Variants in CNTNAP3 observed in about 807,000 individuals in gnomAD.
The protein encoded by CNTNAP3 is contactin-associated protein-like 3.
Under a neutral mutation model 92.1 loss-of-function variants are expected in CNTNAP3, and 36 were observed. The ratio of observed to expected loss-of-function variants is 0.39; its 90% CI spans 0.30 to 0.52. The LOEUF is 0.52. CNTNAP3 is among the 20% of genes least tolerant of loss of function. The probability of loss-of-function intolerance (pLI) is 0.76; values close to 1 mark genes in which losing one functional copy is unlikely to be tolerated. For missense variants in CNTNAP3, 534 were observed against 1,069.6 expected, an observed-to-expected ratio of 0.50 and a Z score of 6.98; for synonymous variants, 232 against 422.3, an observed-to-expected ratio of 0.55 and a Z score of 5.53.
At chr9:39,144,155 A>T in intron 11 of CNTNAP3, 85 bp downstream of exon 11, 1 of 1,409,466 alleles carries the variant, frequency 7.1e-7, no homozygotes, top group Non-Finnish European at 9.4e-7. Context: ...GCATGATTGC[A>T]AATATGCAGA....
intron 13 of CNTNAP3, among the ~76,000 whole-genome samples, chr9:39,123,947 A>C (rs1821097398): frequency 6.6e-6 from 1 of 151,992 alleles, no homozygotes; most frequent in African/African-American, 2.4e-5. Flanking sequence ...CCTCAGAGAA[A>C]AGAAAAACAA....
chr9:39,113,139 T>C (rs1231895391), intron 14 of CNTNAP3, among the ~76,000 whole-genome samples: 1 of 152,082 alleles, frequency 6.6e-6, no homozygotes, highest in African/African-American at 2.4e-5. Context: ...TAGACACTAA[T>C]ATAAACAACC....
At chr9:39,184,107 T>C (rs1822486988) in intron 4 of CNTNAP3, among the ~76,000 whole-genome samples, 1 of 144,634 alleles carries the variant, frequency 6.9e-6, no homozygotes, top group Non-Finnish European at 1.5e-5. Context: ...AGTCTGTTCT[T>C]TCTTATTGCT....
At chr9:39,115,700 C>A (rs1820841160) in intron 14 of CNTNAP3, among the ~76,000 whole-genome samples, 1 of 151,864 alleles carries the variant, frequency 6.6e-6, no homozygotes, top group East Asian at 1.9e-4. Context: ...AATTTTTTTC[C>A]AAATGAAAGC....
chr9:39,105,851 A>ATCTC lies in CNTNAP3; in HGVS notation c.2366-1941_2366-1938dup, dbSNP rs565155569. Among the ~76,000 whole-genome samples, 5 of 140,484 alleles carry ATCTC rather than the reference A, an allele frequency of 3.6e-5. 1 individual carries two copies. Among genetic ancestry groups the ATCTC allele is most frequent in the East Asian group, 2.1e-4 (1 of 4,744 alleles). 92.2% of individuals were successfully genotyped at this position (140,484 alleles called of 152,430 possible). On this transcript the variant is annotated intron_variant, in intron 15 of 23. Coordinates refer to ENST00000297668, the MANE Select transcript of CNTNAP3 (RefSeq NM_033655.5). The stretch of plus-strand genomic sequence containing the variant: ...TCAGCTAGGAAATATGTGTATTTGT[A>ATCTC]TCTCTCTCTCTCTCTCTCACACACA...
rs1275259990 is a variant in CNTNAP3, at chr9:39,065,736, T to C, written c.*8154A>G. ...ATGACAAAACGATATTGAACATTTT[T>C]GTGTGCTTTTTGTCCACTGGCCTAG... On this transcript the variant is annotated 3_prime_UTR_variant, in exon 24 of 24. Transcript: ENST00000297668. 6.6e-6 allele frequency among the ~76,000 whole-genome samples: 1 copy of C among 152,266 alleles called. No individual in the cohort carries two copies. The highest frequency in any genetic ancestry group is 1.5e-5 in the Non-Finnish European group (1 of 68,040).
At chr9:39,140,377 A>C in intron 12 of CNTNAP3, 142 bp downstream of exon 12, 1 of 1,335,302 alleles carries the variant, frequency 7.5e-7, no homozygotes. Context: ...AATTTTGTTG[A>C]CAACAAAATT....
Position 39,256,483 on chromosome 9 carries a change from C to T in CNTNAP3, c.196+10413G>A, listed in dbSNP as rs1333138347. ...ATGGTTTTACATTTGTAAAGCGTTG[C>T]GTTTAAAAAAAAAAAAAAAAGAGGG... On this transcript the variant is annotated intron_variant, in intron 2 of 23. Transcript: ENST00000297668. Among the ~76,000 whole-genome samples the T allele has an allele frequency of 1.5e-3, 25 of 17,118 alleles. 11 individuals are homozygous for T. Among genetic ancestry groups the T allele is most frequent in the African/African-American group, 3.1e-3 (23 of 7,452 alleles). 11.2% of individuals were successfully genotyped at this position (17,118 alleles called of 152,430 possible). A position where few individuals can be genotyped will look rare whatever the true frequency, so the allele number is the denominator to read the frequency against.
chr9:39,140,510 T>C lies in CNTNAP3; in HGVS notation c.1876+9A>G, dbSNP rs373453703. Reference sequence around the variant, plus strand: ...TTCTGATATATGCATATAACGATTATCAACATACCTGTCATATTGCAGTAC... The same window carrying C: ...TTCTGATATATGCATATAACGATTACCAACATACCTGTCATATTGCAGTAC... On this transcript the variant is annotated intron_variant, in intron 12 of 23. Transcript: ENST00000297668. 30 of 1,613,282 alleles carry C rather than the reference T, an allele frequency of 1.9e-5. No individual in the cohort carries two copies. In the African/African-American group the frequency reaches 3.6e-4, roughly 19 times the overall value.
At chr9:39,133,872 T>C (rs561260840) in intron 12 of CNTNAP3, among the ~76,000 whole-genome samples, 1 of 152,360 alleles carries the variant, frequency 6.6e-6, no homozygotes, top group East Asian at 1.9e-4. Context: ...TTGAAGTCAC[T>C]TTAATTCTAC....
chr9:39,104,211 A>G (rs1461343514), intron 15 of CNTNAP3, among the ~76,000 whole-genome samples: 1 of 152,022 alleles, frequency 6.6e-6, no homozygotes, highest in Non-Finnish European at 1.5e-5. Context: ...GTTCAGAATC[A>G]CCTCAAAGGT....
chr9:39,085,175 T>C (rs1240359155), intron 21 of CNTNAP3: 3 of 148,192 alleles, frequency 2.0e-5, no homozygotes, highest in South Asian at 2.0e-4. Context: ...GACAATATGA[T>C]AGACAATTAC....
intron 18 of CNTNAP3, among the ~76,000 whole-genome samples, chr9:39,099,325 G>A (rs1826398608): frequency 6.6e-6 from 1 of 152,182 alleles, no homozygotes; most frequent in South Asian, 2.1e-4. Flanking sequence ...TCTAAGAAGA[G>A]TCAAACATCA....
rs1285094531 is a variant in CNTNAP3 at position 39,109,149 on chromosome 9, A to G, written c.2365+11T>C. 1 of 1,602,468 alleles carries G rather than the reference A, an allele frequency of 6.2e-7. No homozygotes were observed. The highest frequency in any genetic ancestry group is 1.8e-5 in the Admixed American group (1 of 57,060). On this transcript the variant is annotated intron_variant, in intron 15 of 23. Transcript: ENST00000297668. ...ATTATGAAAATAAAGCTTTTTCTTG[A>G]CACTACTTACGATCTCCGCGGCAGA...
chr9:39,103,859 A>C lies in CNTNAP3; in HGVS notation c.2421T>G (p.Pro807=), dbSNP rs147441938. ...FNTETSYLHF[P]AFHGELTADV... ...CAGCAGTGAGTTCTCCGTGGAAAGC[A>C]GGGAAATGAAGGTATGAAGTCTCAG... Residue 807 remains proline (P), a synonymous_variant, in exon 16 of 24, where the codon CCT becomes CCG. Coordinates refer to ENST00000297668, the MANE Select transcript of CNTNAP3 (RefSeq NM_033655.5). 3.4e-4 allele frequency: 553 copies of C among 1,611,180 alleles called. 3 individuals are homozygous for C. The African/African-American group carries it at 6.7e-3, about 19-fold the overall frequency.
intron 12 of CNTNAP3, among the ~76,000 whole-genome samples, chr9:39,134,149 C>T (rs1485642710): frequency 6.6e-6 from 1 of 151,936 alleles, no homozygotes; most frequent in Non-Finnish European, 1.5e-5. Context: ...CGCCTAACAA[C>T]AGAGATCAGA....
intron 13 of CNTNAP3, among the ~76,000 whole-genome samples, chr9:39,122,212 G>A (rs1376959093): frequency 4.6e-5 from 7 of 152,174 alleles, no homozygotes; most frequent in East Asian, 3.8e-4. Flanking sequence ...AAAATTAGCC[G>A]GGCGTGGTGG....
intron 15 of CNTNAP3, among the ~76,000 whole-genome samples, chr9:39,107,656 T>G: frequency 6.6e-6 from 1 of 152,064 alleles, no homozygotes; most frequent in Non-Finnish European, 1.5e-5. Context: ...AACAAATTAC[T>G]GACATTGGGA....
At chr9:39,118,483 T>C (rs1293038286) in intron 13 of CNTNAP3, among the ~76,000 whole-genome samples, 4 of 152,184 alleles carry the variant, frequency 2.6e-5, no homozygotes, top group Non-Finnish European at 5.9e-5. Context: ...TGATTCCATC[T>C]ATTTTTCTTC....
Sources: allele counts gnomAD v4.1 joint callset (sites outside exome capture counted in the v4.1 genomes callset), GRCh38; gene constraint gnomAD v4.1.1; transcripts MANE v1.5; gene names NCBI Gene and HGNC (gene_info 2026-07-23, HGNC 2026-07-21).